GZF1: variants seen among roughly 807,000 people sequenced by gnomAD.
The protein encoded by GZF1 is GDNF-inducible zinc finger protein 1.
GZF1 carries 28 observed loss-of-function variants against 49.4 expected under a neutral mutation model. The observed-to-expected ratio is 0.57, with a 90% confidence interval of 0.42 to 0.78. The LOEUF (loss-of-function observed/expected upper bound fraction) is 0.78, where lower values mean the gene tolerates loss of function less well. GZF1 is among the 30% of genes least tolerant of loss of function. The pLI is 0.00. For missense variants in GZF1, 798 were observed against 916.2 expected (o/e 0.87, Z 1.67); for synonymous variants, 364 against 356.0 (o/e 1.02, Z -0.25).
In GZF1 at chr20:23,365,354, A is replaced by C. The variant is rs749494276; in HGVS notation, c.971A>C (p.Lys324Thr). 3 of 1,612,120 alleles carry C rather than the reference A, an allele frequency of 1.9e-6. No homozygotes were observed. The highest frequency in any genetic ancestry group is 2.5e-6 in the Non-Finnish European group (3 of 1,178,804). The change falls in exon 2 of 6, where the codon AAG (lysine) becomes ACG (threonine). Residue 324 changes from lysine (K) to threonine (T), a missense_variant. Physicochemically the swap from Lys to Thr is moderately conservative, Grantham distance 78. This residue lies in a region of GZF1 where 446 missense variants were observed against 540.1 expected (regional missense o/e 0.83). Transcript: ENST00000338121. ...KSNFKCSICE[K>T]AFLYEKSFLK... is the part of the protein sequence containing the mutation. ...AACTTTAAGTGCAGCATTTGCGAGA[A>C]GGCGTTTCTGTATGAGAAGAGCTTC...
Position 23,368,946 on chromosome 20 carries a change from C to A in GZF1, c.1627+17C>A. On this transcript the variant is annotated intron_variant, in intron 4 of 5. Coordinates refer to ENST00000338121, the MANE Select transcript of GZF1 (RefSeq NM_022482.5). ...TCCACACAGGTATGGTTGGAATGTC[C>A]CAGGGAAGGGAGTTTAGTTTGGCCA... 6.3e-7 allele frequency: 1 copy of A among 1,581,392 alleles called. No homozygotes were observed.
upstream of GZF1, among the ~76,000 whole-genome samples, chr20:23,361,690 C>T (rs1980675922): frequency 6.6e-6 from 1 of 152,226 alleles, no homozygotes; most frequent in Non-Finnish European, 1.5e-5. Flanking sequence ...GCCCGGCTTT[C>T]CGCGAGGTCC....
upstream of GZF1, chr20:23,362,039 G>A (rs936411646): frequency 3.3e-5 from 5 of 152,240 alleles, no homozygotes; most frequent in African/African-American, 1.2e-4. Flanking sequence ...GTAACTGCCC[G>A]AACCGCTCCG....
At position 23,364,991 on chromosome 20, in the gene GZF1, A is replaced by C; in HGVS notation, c.608A>C (p.Asp203Ala). 2 of 1,614,234 alleles carry C rather than the reference A, an allele frequency of 1.2e-6. No individual in the cohort carries two copies. Among genetic ancestry groups the C allele is most frequent in the Non-Finnish European group, 1.7e-6 (2 of 1,180,050 alleles). Reference protein sequence around the residue: ...SSDLPPKKSKDKLDKKKEVVK... With the variant: ...SSDLPPKKSKAKLDKKKEVVK... ...GATTTGCCACCGAAGAAGTCCAAGG[A>C]CAAACTAGACAAGAAGAAAGAGGTA... is the stretch of plus-strand genomic sequence containing the variant. Residue 203 changes from aspartate to alanine, a missense_variant, in exon 2 of 6, where the codon GAC becomes GCC. Asp to Ala is a moderately radical substitution (Grantham distance 126). Around this residue, in one of 3 missense-constraint regions of GZF1, gnomAD observed 247 missense variants for 228.5 expected, o/e 1.08. Transcript: ENST00000338121.
Position 23,364,757 on chromosome 20 carries a change from G to T in GZF1, c.374G>T (p.Cys125Phe), listed in dbSNP as rs773053982. The T allele has an allele frequency of 1.2e-6, 2 of 1,614,152 alleles. No homozygotes were observed. Among genetic ancestry groups the T allele is most frequent in the African/African-American group, 2.7e-5 (2 of 74,952 alleles). Residue 125 changes from cysteine (C) to phenylalanine (F), a missense_variant, in exon 2 of 6, where the codon TGT becomes TTT. Around this residue, in one of 3 missense-constraint regions of GZF1, gnomAD observed 247 missense variants for 228.5 expected, o/e 1.08. Transcript: ENST00000338121. ...KLKCLDLSETCFQLKKQMLES... is the reference protein window; with the variant it reads ...KLKCLDLSETFFQLKKQMLES... ...AAATGTTTGGATTTATCAGAAACTT[G>T]TTTTCAATTAAAGAAACAGATGTTA...
Position 23,365,266 on chromosome 20 carries a change from G to C in GZF1, c.883G>C (p.Ala295Pro). Residue 295 changes from alanine to proline, a missense_variant, in exon 2 of 6, where the codon GCA becomes CCA. By Grantham distance (27) the Ala-to-Pro change is conservative (BLOSUM62 -1). Around this residue, in one of 3 missense-constraint regions of GZF1, gnomAD observed 247 missense variants for 228.5 expected, o/e 1.08. Coordinates refer to ENST00000338121, the MANE Select transcript of GZF1 (RefSeq NM_022482.5). ...GAELEELSKKAGPEEEEEEEE... is the reference protein window; with the variant it reads ...GAELEELSKKPGPEEEEEEEE... ...TGAGTTGGAGGAATTGTCAAAGAAA[G>C]CAGGGCCGGAGGAGGAAGAGGAGGA... The C allele has an allele frequency of 6.2e-7, 1 of 1,605,686 alleles. No individual in the cohort carries two copies. The highest frequency in any genetic ancestry group is 1.1e-5 in the South Asian group (1 of 90,278).
chr20:23,361,132 C>A (rs535760592), upstream of GZF1, among the ~76,000 whole-genome samples: 1 of 152,272 alleles, frequency 6.6e-6, no homozygotes, highest in African/African-American at 2.4e-5. Context: ...AAGTAGTAAA[C>A]CTTATTTTAA....
In GZF1 at chr20:23,370,964, C is replaced by G. The variant is rs1057183127; in HGVS notation, c.*523C>G. On this transcript the variant is annotated 3_prime_UTR_variant, in exon 6 of 6. Coordinates refer to ENST00000338121, the MANE Select transcript of GZF1 (RefSeq NM_022482.5). ...GTTGAATTGAAGCAAATCAGATTTT[C>G]TGTGGGGACCCTCAAATGCAACTGA... is the stretch of plus-strand genomic sequence containing the variant. The G allele has an allele frequency of 6.4e-6, 1 of 155,066 alleles. No individual in the cohort carries two copies. The highest frequency in any genetic ancestry group is 2.4e-5 in the African/African-American group (1 of 41,476). 9.6% of individuals were successfully genotyped at this position (155,066 alleles called of 1,614,324 possible).
At chr20:23,362,774 C>G (rs111667660) in intron 1 of GZF1, 1 of 152,248 alleles carries the variant, frequency 6.6e-6, no homozygotes. Flanking sequence ...CTGTCGCCAC[C>G]TCCAGTGCCT....
chr20:23,363,506 AG>A (rs1207285109), intron 1 of GZF1, among the ~76,000 whole-genome samples: 8 of 152,172 alleles, frequency 5.3e-5, no homozygotes, highest in Non-Finnish European at 1.2e-4. Context: ...TGAGGGGAAG[AG>A]TGTGTTGAGT....
In GZF1 at chr20:23,365,761, C is replaced by T. The variant is rs1209478372; in HGVS notation, c.1364+14C>T. 1 of 1,505,130 alleles carries T rather than the reference C, an allele frequency of 6.6e-7. No homozygotes were observed. Among genetic ancestry groups the T allele is most frequent in the African/African-American group, 1.4e-5 (1 of 72,266 alleles). 93.2% of individuals were successfully genotyped at this position (1,505,130 alleles called of 1,614,324 possible). On this transcript the variant is annotated intron_variant, in intron 2 of 5. Transcript: ENST00000338121. ...GACGCACATGAGGTACGCGGGGAGCCGTCCGGAGGGGTCCCTGCGCACTGG... is the reference window on the plus strand; with the variant it reads ...GACGCACATGAGGTACGCGGGGAGCTGTCCGGAGGGGTCCCTGCGCACTGG...
chr20:23,370,147 C>G lies in GZF1; in HGVS notation c.1842C>G (p.Pro614=). 6.2e-7 allele frequency: 1 copy of G among 1,614,224 alleles called. No homozygotes were observed. ...KSFLVIVDGS[P]KNDDGHKTEQ... is the part of the protein sequence containing the mutation. ...TCCTTGTCATTGTAGATGGCTCGCCCAAGAACGATGACGGACACAAGACTG... is the reference window on the plus strand; with the variant it reads ...TCCTTGTCATTGTAGATGGCTCGCCGAAGAACGATGACGGACACAAGACTG... The change falls in exon 6 of 6, where the codon CCC becomes CCG. Residue 614 remains proline (P), a synonymous_variant. Transcript: ENST00000338121.
chr20:23,361,377 C>G (rs1240936633), upstream of GZF1, among the ~76,000 whole-genome samples: 1 of 152,240 alleles, frequency 6.6e-6, no homozygotes, highest in Non-Finnish European at 1.5e-5. Flanking sequence ...AGCAAGATTT[C>G]GAGGAGTCAG....
At position 23,370,495 on chromosome 20, in the gene GZF1, A is replaced by T; in HGVS notation, c.*54A>T. ...TCTGCGTGTGTGGTAGCTGAACTCAAGATGATGTGGGGCTAAGAAAAATAA... is the reference window on the plus strand; with the variant it reads ...TCTGCGTGTGTGGTAGCTGAACTCATGATGATGTGGGGCTAAGAAAAATAA... On this transcript the variant is annotated 3_prime_UTR_variant, in exon 6 of 6. Coordinates refer to ENST00000338121, the MANE Select transcript of GZF1 (RefSeq NM_022482.5). 8.7e-7 allele frequency: 1 copy of T among 1,150,834 alleles called. No individual in the cohort carries two copies. Among genetic ancestry groups the T allele is most frequent in the South Asian group, 1.3e-5 (1 of 76,816 alleles). 71.3% of individuals were successfully genotyped at this position (1,150,834 alleles called of 1,614,324 possible).
Position 23,365,570 on chromosome 20 carries a change from T to A in GZF1, c.1187T>A (p.Val396Glu). 1 of 1,611,978 alleles carries A rather than the reference T, an allele frequency of 6.2e-7. No individual in the cohort carries two copies. The highest frequency in any genetic ancestry group is 8.5e-7 in the Non-Finnish European group (1 of 1,179,658). ...FKRKKDVKRHVLQVHEGGGER... is the reference protein window; with the variant it reads ...FKRKKDVKRHELQVHEGGGER... ...CGCAAGAAGGACGTGAAGCGGCACG[T>A]GCTGCAGGTGCATGAGGGCGGCGGC... Residue 396 changes from valine to glutamate, a missense_variant, in exon 2 of 6, where the codon GTG (valine) becomes GAG (glutamate). This residue lies in a region of GZF1 where 446 missense variants were observed against 540.1 expected (regional missense o/e 0.83). Transcript: ENST00000338121.
At chr20:23,362,037 C>G (rs1404221139), upstream of GZF1, 2 of 152,274 alleles carry the variant, frequency 1.3e-5, no homozygotes, top group Non-Finnish European at 2.9e-5. Context: ...AGGTAACTGC[C>G]CGAACCGCTC....
rs1982220489 is a variant in GZF1, at chr20:23,372,928, CTTTA to C, written c.*2492_*2495del. On this transcript the variant is annotated 3_prime_UTR_variant, in exon 6 of 6. Coordinates refer to ENST00000338121, the MANE Select transcript of GZF1 (RefSeq NM_022482.5). ...AAAAAATGGGCCATGTGGTGGAGAC[CTTTA>C]TTTAAGGTGATTTTTACAGAAATGT... is the stretch of plus-strand genomic sequence containing the variant. 1 of 152,176 alleles carries C rather than the reference CTTTA, an allele frequency of 6.6e-6. No homozygotes were observed. Among genetic ancestry groups the C allele is most frequent in the African/African-American group, 2.4e-5 (1 of 41,430 alleles). 9.4% of individuals were successfully genotyped at this position (152,176 alleles called of 1,614,324 possible).
Position 23,371,497 on chromosome 20 carries a change from C to G in GZF1, c.*1056C>G, listed in dbSNP as rs1379517102. On this transcript the variant is annotated 3_prime_UTR_variant, in exon 6 of 6. Coordinates refer to ENST00000338121, the MANE Select transcript of GZF1 (RefSeq NM_022482.5). Reference sequence around the variant, plus strand: ...GGGACCAAAAGTCTCAGCACACTTACCTCCGATTATGCCTTAAAGAGTTGA... The same window carrying G: ...GGGACCAAAAGTCTCAGCACACTTAGCTCCGATTATGCCTTAAAGAGTTGA... 6.6e-6 allele frequency: 1 copy of G among 152,620 alleles called. No individual in the cohort carries two copies. Among genetic ancestry groups the G allele is most frequent in the Non-Finnish European group, 1.5e-5 (1 of 68,038 alleles). The allele number at this position is 152,620 out of a possible 1,614,324, so 9.5% of individuals were successfully genotyped here.
Position 23,365,108 on chromosome 20 carries a change from GAA to G in GZF1, c.726_727del (p.Arg243ThrfsTer9). On this transcript the variant is annotated frameshift_variant, in exon 2 of 6. Transcript: ENST00000338121. LOFTEE classifies it high-confidence loss of function. ...GAGATCCCTAAAAAGAAATATACGA[GAA>G]GACTCCGAGAGCAGCAGAAAACTGC... is the stretch of plus-strand genomic sequence containing the variant. 1 of 1,614,018 alleles carries G rather than the reference GAA, an allele frequency of 6.2e-7. No homozygotes were observed. The highest frequency in any genetic ancestry group is 8.5e-7 in the Non-Finnish European group (1 of 1,180,046).
Sources: allele counts gnomAD v4.1 joint callset (sites outside exome capture counted in the v4.1 genomes callset), GRCh38; gene constraint gnomAD v4.1.1; regional missense constraint gnomAD v4.1.1; transcripts MANE v1.5; gene names NCBI Gene and HGNC (gene_info 2026-07-23, HGNC 2026-07-21).